Variants in HLCS observed in about 807,000 individuals in gnomAD.
The protein encoded by HLCS is holocarboxylase synthetase, also known as biotin--protein ligase.
Under a neutral mutation model 75.0 loss-of-function variants are expected in HLCS, and 53 were observed. The observed-to-expected ratio is 0.71, with a 90% confidence interval of 0.57 to 0.89. HLCS has a LOEUF of 0.89. Ranked by LOEUF, HLCS falls within the 40% of genes least tolerant of loss-of-function variation. The pLI is 0.00. For synonymous variants in HLCS, 431 were observed against 428.6 expected (o/e 1.01, Z -0.07); for missense variants, 966 against 1,074.0 (o/e 0.90, Z 1.41).
At chr21:36,901,677 C>T (rs1038827277) in intron 5 of HLCS, among the ~76,000 whole-genome samples, 2 of 152,172 alleles carry the variant, frequency 1.3e-5, no homozygotes, top group Non-Finnish European at 2.9e-5. Context: ...CATCACATGG[C>T]GTTCTCCTCT....
intron 10 of HLCS, 24 bp downstream of exon 10, chr21:36,756,518 G>A: frequency 3.2e-6 from 3 of 943,174 alleles, no homozygotes; most frequent in Non-Finnish European, 4.8e-6. Flanking sequence ...GAGTTGAAAA[G>A]AATGAAGATG....
intron 6 of HLCS, among the ~76,000 whole-genome samples, chr21:36,814,189 A>T (rs2061593069): frequency 6.6e-6 from 1 of 152,158 alleles, no homozygotes; most frequent in African/African-American, 2.4e-5. Context: ...CCCTACTGAC[A>T]TCTTATTCAA....
At chr21:36,947,051 G>A (rs1305487206) in intron 2 of HLCS, among the ~76,000 whole-genome samples, 2 of 152,180 alleles carry the variant, frequency 1.3e-5, no homozygotes, top group East Asian at 1.9e-4. Context: ...AACCTCCCGC[G>A]GGAAGCTAAA....
At chr21:36,783,794 T>C (rs2060604031) in intron 6 of HLCS, among the ~76,000 whole-genome samples, 1 of 146,100 alleles carries the variant, frequency 6.8e-6, no homozygotes, top group Admixed American at 6.8e-5. Context: ...CACAAGCATG[T>C]GTGCACATGC....
chr21:36,893,178 C>A, intron 6 of HLCS, among the ~76,000 whole-genome samples: 1 of 152,180 alleles, frequency 6.6e-6, no homozygotes, highest in Non-Finnish European at 1.5e-5. Flanking sequence ...TCAAGCAATT[C>A]TCCTGCCTCA....
chr21:36,875,381 C>T (rs539042108), intron 6 of HLCS, among the ~76,000 whole-genome samples: 7 of 152,328 alleles, frequency 4.6e-5, no homozygotes, highest in African/African-American at 1.7e-4. Flanking sequence ...AGTCAGCACA[C>T]ACTTCCTCCA....
chr21:36,884,903 C>T (rs1327691152), intron 6 of HLCS, among the ~76,000 whole-genome samples: 3 of 152,000 alleles, frequency 2.0e-5, no homozygotes, highest in African/African-American at 7.3e-5. Context: ...GGGTGATGCA[C>T]AAGGCATATC....
At chr21:36,916,502 C>T (rs555238808) in intron 5 of HLCS, among the ~76,000 whole-genome samples, 35 of 151,036 alleles carry the variant, frequency 2.3e-4, no homozygotes, top group Admixed American at 2.2e-3. Context: ...TAGGTGCACA[C>T]CATCATGCCT....
chr21:36,968,299 T>C (rs2068692170), upstream of HLCS, among the ~76,000 whole-genome samples: 1 of 152,218 alleles, frequency 6.6e-6, no homozygotes. Flanking sequence ...GCCATAAAGA[T>C]AGATTTTTAA....
At chr21:36,911,199 G>A (rs200560516) in intron 5 of HLCS, among the ~76,000 whole-genome samples, 3 of 152,136 alleles carry the variant, frequency 2.0e-5, no homozygotes, top group Non-Finnish European at 2.9e-5. Context: ...CGTGGAGAAC[G>A]CGCTCCAGCT....
chr21:36,952,789 CAAA>C (rs35700333), intron 2 of HLCS, among the ~76,000 whole-genome samples: 2 of 48,870 alleles, frequency 4.1e-5, no homozygotes, highest in Admixed American at 4.0e-4. Context: ...GACTCCGTCT[CAAA>C]AAAAAAAAAA....
intron 6 of HLCS, among the ~76,000 whole-genome samples, chr21:36,831,262 A>G (rs1358592678): frequency 6.6e-6 from 1 of 152,242 alleles, no homozygotes; most frequent in East Asian, 1.9e-4. Flanking sequence ...AAATAAGGAC[A>G]TGACAAGTTA....
At chr21:36,957,929 G>C (rs1393115993) in intron 2 of HLCS, among the ~76,000 whole-genome samples, 1 of 64,424 alleles carries the variant, frequency 1.6e-5, no homozygotes, top group African/African-American at 5.9e-5. Flanking sequence ...ACTGCGTCTC[G>C]AAAAAAAAAA....
chr21:36,937,355 C>G lies in HLCS; in HGVS notation c.531G>C (p.Lys177Asn). The G allele has an allele frequency of 6.2e-7, 1 of 1,613,948 alleles. No individual in the cohort carries two copies. Among genetic ancestry groups the G allele is most frequent in the Non-Finnish European group, 8.5e-7 (1 of 1,180,042 alleles). The stretch of plus-strand genomic sequence containing the variant: ...GGGCTTGCTTGTTTGAGACCTGATC[C>G]TTAACTTCCTTCAGAGTGGAGTCCT... The part of the protein sequence containing the change: ...HLQDSTLKEV[K>N]DQVSNKQAQI... The change falls in exon 4 of 11, where the codon AAG becomes AAC. Residue 177 changes from lysine (K) to asparagine (N), a missense_variant. Transcript: ENST00000674895.
chr21:36,944,561 ATTTC>A (rs1403971017), intron 2 of HLCS, among the ~76,000 whole-genome samples: 18 of 151,546 alleles, frequency 1.2e-4, no homozygotes, highest in Non-Finnish European at 2.1e-4. Context: ...AGTAAGGACA[ATTTC>A]TTTATTTTTT....
At position 36,842,550 on chromosome 21, in the gene HLCS, G is replaced by A. The variant is rs2062651704; in HGVS notation, c.1892+54310C>T. 6.6e-6 allele frequency among the ~76,000 whole-genome samples: 1 copy of A among 152,094 alleles called. No homozygotes were observed. The highest frequency in any genetic ancestry group is 1.5e-5 in the Non-Finnish European group (1 of 68,014). On this transcript the variant is annotated intron_variant, in intron 6 of 10. Transcript: ENST00000674895. This position sits in a 1 kb window ranked among gnomAD's most constrained non-coding sequence, Gnocchi z 4.2. The stretch of plus-strand genomic sequence containing the variant: ...AGGCCAGGAGTTCGAGACCAGCCTG[G>A]CCAACAATGCAAAACCTCATTTCTA...
chr21:36,798,991 T>C (rs1446812981), intron 6 of HLCS, among the ~76,000 whole-genome samples: 3 of 152,360 alleles, frequency 2.0e-5, no homozygotes, highest in African/African-American at 7.2e-5. Flanking sequence ...TTTTCCATTT[T>C]TAAACTGTGT....
intron 6 of HLCS, among the ~76,000 whole-genome samples, chr21:36,868,712 G>GA (rs937142323): frequency 6.6e-6 from 1 of 152,048 alleles, no homozygotes; most frequent in African/African-American, 2.4e-5. Context: ...CTGGAAAGGG[G>GA]AAAAAACAAT....
chr21:36,893,106 G>A (rs374662856), intron 6 of HLCS, among the ~76,000 whole-genome samples: 5 of 151,814 alleles, frequency 3.3e-5, no homozygotes, highest in South Asian at 2.1e-4. Flanking sequence ...AGTCTTGTTC[G>A]GTCACCCAGG....
Sources: allele counts gnomAD v4.1 joint callset (sites outside exome capture counted in the v4.1 genomes callset), GRCh38; gene constraint gnomAD v4.1.1; non-coding constraint Gnocchi (gnomAD v3.1); transcripts MANE v1.5; gene names NCBI Gene and HGNC (gene_info 2026-07-23, HGNC 2026-07-21).